USP34: variants seen among roughly 807,000 people sequenced by gnomAD.
The protein encoded by USP34 is ubiquitin carboxyl-terminal hydrolase 34.
USP34 carries 70 observed loss-of-function variants against 460.3 expected under a neutral mutation model. That is an observed-to-expected ratio of 0.15 (90% CI 0.13 to 0.19). The LOEUF is 0.19. Ranked by LOEUF, USP34 falls within the 10% of genes least tolerant of loss-of-function variation. The pLI is 1.00. For missense variants in USP34, 3,985 were observed against 4,236.2 expected (o/e 0.94, Z 1.65); for synonymous variants, 1,647 against 1,405.3 (o/e 1.17, Z -3.85).
intron 8 of USP34, among the ~76,000 whole-genome samples, chr2:61,373,895 C>T (rs998805580): frequency 2.0e-5 from 3 of 152,136 alleles, no homozygotes; most frequent in African/African-American, 4.8e-5. Context: ...TGGCTCACAC[C>T]TGTAATCCCA....
intron 1 of USP34, among the ~76,000 whole-genome samples, chr2:61,452,361 G>C (rs1277262475): frequency 1.8e-5 from 2 of 112,284 alleles, no homozygotes; most frequent in Non-Finnish European, 3.3e-5. Context: ...GTCTCACTCT[G>C]TCACCCAGGC....
chr2:61,398,766 A>C (rs942544913), intron 3 of USP34, among the ~76,000 whole-genome samples: 4 of 152,238 alleles, frequency 2.6e-5, no homozygotes, highest in South Asian at 4.1e-4. Flanking sequence ...AAGTCTGAAA[A>C]TCATGGATTG....
At chr2:61,467,958 G>C (rs1695829698) in intron 1 of USP34, among the ~76,000 whole-genome samples, 1 of 151,968 alleles carries the variant, frequency 6.6e-6, no homozygotes, top group African/African-American at 2.4e-5. Flanking sequence ...ACGTTGAACT[G>C]ATGCTCATCT....
intron 41 of USP34, among the ~76,000 whole-genome samples, chr2:61,266,390 C>A (rs1028159190): frequency 2.0e-5 from 3 of 152,128 alleles, no homozygotes; most frequent in Non-Finnish European, 4.4e-5. Context: ...CTAATAAGCT[C>A]ATTCTTAGAC....
chr2:61,241,666 C>G lies in USP34; in HGVS notation c.6682-11G>C. The G allele has an allele frequency of 1.3e-6, 2 of 1,552,352 alleles. No individual in the cohort carries two copies. Among genetic ancestry groups the G allele is most frequent in the Non-Finnish European group, 1.7e-6 (2 of 1,155,644 alleles). ...ATATGCACTGTGTGTCTTTAAGAGG[C>G]AAGAAAAAAATTTATTTTCATTTTG... On this transcript the variant is annotated splice_polypyrimidine_tract_variant and intron_variant, in intron 52 of 79. Transcript: ENST00000398571.
At chr2:61,235,751 A>C in intron 57 of USP34, 94 bp downstream of exon 57, 1 of 1,288,006 alleles carries the variant, frequency 7.8e-7, no homozygotes, top group Non-Finnish European at 1.1e-6. Context: ...TCCCTGTGAC[A>C]GATAAAACAA....
rs201015758 is a variant in USP34 at position 61,281,237 on chromosome 2, T to C, written c.5004A>G (p.Ala1668=). The C allele has an allele frequency of 6.2e-7, 1 of 1,611,152 alleles. No individual in the cohort carries two copies. Among genetic ancestry groups the C allele is most frequent in the Non-Finnish European group, 8.5e-7 (1 of 1,178,882 alleles). The change falls in exon 38 of 80, where the codon GCA becomes GCG. Residue 1668 remains alanine (A), a synonymous_variant. Coordinates refer to ENST00000398571, the MANE Select transcript of USP34 (RefSeq NM_014709.4). ...KKLTLLIPET[A]VRHESCSGLY... is the part of the protein sequence containing the mutation. ...GACCACTGCATGATTCATGACGAACTGCAGTCTAGATGAAAAAGAAAGTTC... is the reference window on the plus strand; with the variant it reads ...GACCACTGCATGATTCATGACGAACCGCAGTCTAGATGAAAAAGAAAGTTC...
chr2:61,329,338 T>G (rs975194850), intron 20 of USP34, among the ~76,000 whole-genome samples: 1 of 152,154 alleles, frequency 6.6e-6, no homozygotes, highest in African/African-American at 2.4e-5. Context: ...CCTATGATTT[T>G]TATAGAGCAT....
chr2:61,236,306 T>A lies in USP34; in HGVS notation c.6842+19A>T, dbSNP rs961464841. The A allele has an allele frequency of 6.3e-7, 1 of 1,597,510 alleles. No individual in the cohort carries two copies. Among genetic ancestry groups the A allele is most frequent in the Non-Finnish European group, 8.5e-7 (1 of 1,173,390 alleles). On this transcript the variant is annotated intron_variant, in intron 54 of 79. Coordinates refer to ENST00000398571, the MANE Select transcript of USP34 (RefSeq NM_014709.4). ...TTTAAAATGTGTAAAATATCTACTATGAAATTTACCAAACTTACCCAAAAT... is the reference window on the plus strand; with the variant it reads ...TTTAAAATGTGTAAAATATCTACTAAGAAATTTACCAAACTTACCCAAAAT...
At chr2:61,429,675 G>C (rs972364706) in intron 1 of USP34, among the ~76,000 whole-genome samples, 12 of 151,826 alleles carry the variant, frequency 7.9e-5, no homozygotes, top group African/African-American at 2.7e-4. Flanking sequence ...GCAATAAAAA[G>C]AAACCGACTA....
At chr2:61,429,941 C>T (rs914418050) in intron 1 of USP34, among the ~76,000 whole-genome samples, 1 of 152,024 alleles carries the variant, frequency 6.6e-6, no homozygotes, top group South Asian at 2.1e-4. Context: ...AGGCTGGGCG[C>T]GGTGGCTCAC....
Position 61,235,906 on chromosome 2 carries a change from G to A in USP34, c.6971C>T (p.Thr2324Met). The change falls in exon 57 of 80, where the codon ACG becomes ATG. Residue 2324 changes from threonine to methionine, a missense_variant. Thr to Met is a moderately conservative substitution (Grantham distance 81, BLOSUM62 -1). Coordinates refer to ENST00000398571, the MANE Select transcript of USP34 (RefSeq NM_014709.4). The part of the protein sequence containing the change: ...ETFIHSKEKP[T>M]MLQWIELLTK... Reference sequence around the variant, plus strand: ...CAACAGTTCAATCCACTGAAGCATCGTGGGCTAGAAAAGAAAAGTCAGTCA... The same window carrying A: ...CAACAGTTCAATCCACTGAAGCATCATGGGCTAGAAAAGAAAAGTCAGTCA... The A allele has an allele frequency of 1.2e-6, 2 of 1,612,470 alleles. No individual in the cohort carries two copies. The highest frequency in any genetic ancestry group is 1.7e-6 in the Non-Finnish European group (2 of 1,179,586).
At chr2:61,194,665 A>G (rs952762756) in intron 75 of USP34, among the ~76,000 whole-genome samples, 3 of 152,182 alleles carry the variant, frequency 2.0e-5, no homozygotes, top group Non-Finnish European at 2.9e-5. Context: ...TCTTAAAAAA[A>G]TATTTTGGGG....
intron 13 of USP34, 131 bp from the exon 14 acceptor site, chr2:61,349,017 A>G: frequency 8.7e-7 from 1 of 1,144,492 alleles, no homozygotes; most frequent in Non-Finnish European, 1.2e-6. Flanking sequence ...TAAAATCTCT[A>G]AATATGTTAA....
chr2:61,231,387 T>A (rs1196251875), intron 58 of USP34, among the ~76,000 whole-genome samples: 2 of 152,070 alleles, frequency 1.3e-5, no homozygotes, highest in Non-Finnish European at 2.9e-5. Context: ...ATTTTACATT[T>A]TGAAAGGTCT....
intron 5 of USP34, among the ~76,000 whole-genome samples, chr2:61,391,201 T>G (rs1423192490): frequency 1.3e-5 from 2 of 152,008 alleles, no homozygotes; most frequent in Non-Finnish European, 2.9e-5. Flanking sequence ...ATCCCAGCAC[T>G]TTAGGAGGCC....
intron 43 of USP34, among the ~76,000 whole-genome samples, chr2:61,260,227 A>T (rs1194966219): frequency 6.6e-6 from 1 of 152,266 alleles, no homozygotes; most frequent in Non-Finnish European, 1.5e-5. Context: ...CTGAAGAGGA[A>T]TACCAGCCAG....
chr2:61,384,628 G>A (rs558797732), intron 5 of USP34, among the ~76,000 whole-genome samples: 6 of 152,122 alleles, frequency 3.9e-5, no homozygotes, highest in Admixed American at 6.5e-5. Context: ...AGCCAGGATC[G>A]CGTCACTGTA....
chr2:61,238,721 C>T (rs957781840), intron 53 of USP34, among the ~76,000 whole-genome samples: 13 of 151,992 alleles, frequency 8.6e-5, no homozygotes, highest in Non-Finnish European at 5.9e-5. Flanking sequence ...TAAGCTGGAA[C>T]AATTATAGAA....
Sources: gnomAD v4.1 joint callset for allele counts (sites outside exome capture counted in the v4.1 genomes callset) on GRCh38, gnomAD v4.1.1 for gene constraint, MANE v1.5 for transcripts, NCBI Gene and HGNC (gene_info 2026-07-23, HGNC 2026-07-21) for gene names.